TASP1: variants seen among roughly 807,000 people sequenced by gnomAD.
The protein encoded by TASP1 is taspase 1.
TASP1 carries 16 observed loss-of-function variants against 56.6 expected under a neutral mutation model. That is an observed-to-expected ratio of 0.28 (90% CI 0.19 to 0.43). TASP1 has a LOEUF of 0.43. Ranked by LOEUF, TASP1 falls within the 20% of genes least tolerant of loss-of-function variation. TASP1 has a pLI of 1.00. For synonymous variants in TASP1, 179 were observed against 184.2 expected, an observed-to-expected ratio of 0.97 and a Z score of 0.23; for missense variants, 393 against 511.6, an observed-to-expected ratio of 0.77 and a Z score of 2.24.
At chr20:13,176,698 G>A in the TASP1 span, among the ~76,000 whole-genome samples, 1 of 151,810 alleles carries the variant, frequency 6.6e-6, no homozygotes, top group Non-Finnish European at 1.5e-5. Flanking sequence ...TTGATATCAG[G>A]GTTTTATAGA....
chr20:13,279,932 G>A, the TASP1 span: 1 of 1,598,052 alleles, frequency 6.3e-7, no homozygotes, highest in Non-Finnish European at 8.6e-7. Context: ...AAAATTGGTG[G>A]GAAGAATAAA....
the TASP1 span, among the ~76,000 whole-genome samples, chr20:13,123,625 C>A: frequency 1.1e-4 from 17 of 152,154 alleles, no homozygotes; most frequent in Non-Finnish European, 2.5e-4. Flanking sequence ...AGTTCCTCAT[C>A]CCCTTGTCTC....
At chr20:13,104,868 G>A in the TASP1 span, among the ~76,000 whole-genome samples, 658 of 152,096 alleles carry the variant, frequency 4.3e-3, 3 homozygotes, top group Middle Eastern at 6.8e-3. Flanking sequence ...TTTGTTTGGG[G>A]AACTTTTTTT....
intron 10 of TASP1, among the ~76,000 whole-genome samples, chr20:13,488,548 T>C (rs193218248): frequency 6.6e-6 from 1 of 152,322 alleles, no homozygotes; most frequent in East Asian, 1.9e-4. Context: ...TCAGAGATTT[T>C]AACTCCCAGC....
the TASP1 span, among the ~76,000 whole-genome samples, chr20:13,153,572 A>T: frequency 6.6e-6 from 1 of 152,112 alleles, no homozygotes; most frequent in Non-Finnish European, 1.5e-5. Context: ...CAATTTAATG[A>T]GCCAATTCAG....
At chr20:13,110,070 A>T in the TASP1 span, 1 of 1,515,362 alleles carries the variant, frequency 6.6e-7, no homozygotes, top group Non-Finnish European at 9.0e-7. Context: ...GGAAAAGTAA[A>T]CCCTTTCATG....
chr20:13,367,294 G>T, the TASP1 span, among the ~76,000 whole-genome samples: 1 of 152,150 alleles, frequency 6.6e-6, no homozygotes, highest in African/African-American at 2.4e-5. Flanking sequence ...TTAATCAGTT[G>T]GATGATTTAG....
the TASP1 span, among the ~76,000 whole-genome samples, chr20:13,111,231 C>A: frequency 6.6e-6 from 1 of 152,152 alleles, no homozygotes; most frequent in African/African-American, 2.4e-5. Flanking sequence ...TTTCCAGTTT[C>A]TACCAGCTCA....
the TASP1 span, among the ~76,000 whole-genome samples, chr20:13,194,644 G>C: frequency 6.6e-6 from 1 of 151,894 alleles, no homozygotes; most frequent in Non-Finnish European, 1.5e-5. Flanking sequence ...TAAGGTTGGA[G>C]AGTGACTCAT....
intron 10 of TASP1, among the ~76,000 whole-genome samples, chr20:13,526,715 A>C (rs1433123834): frequency 1.3e-5 from 2 of 152,146 alleles, no homozygotes; most frequent in Non-Finnish European, 2.9e-5. Context: ...TAAGATAGGC[A>C]GGCATGAGAA....
chr20:13,430,810 C>T lies in TASP1; in HGVS notation c.1096+4234G>A, dbSNP rs867660403. On this transcript the variant is annotated intron_variant, in intron 12 of 13. Coordinates refer to ENST00000337743, the MANE Select transcript of TASP1 (RefSeq NM_017714.3). ...AAGTTCCTTCATACCTGAGATTCTC[C>T]GATTCTATTCATGAATCAGTAGACA... is the stretch of plus-strand genomic sequence containing the variant. 1.8e-4 allele frequency among the ~76,000 whole-genome samples: 28 copies of T among 152,274 alleles called. No individual in the cohort carries two copies. The Middle Eastern group carries it at 0.02, about 111-fold the overall frequency.
At chr20:13,449,709 T>C (rs1270061016) in intron 11 of TASP1, among the ~76,000 whole-genome samples, 1 of 152,144 alleles carries the variant, frequency 6.6e-6, no homozygotes, top group Non-Finnish European at 1.5e-5. Flanking sequence ...TACAGTTACA[T>C]AATTATAAAT....
the TASP1 span, among the ~76,000 whole-genome samples, chr20:13,144,347 A>G: frequency 6.6e-6 from 1 of 152,248 alleles, no homozygotes; most frequent in Admixed American, 6.5e-5. Flanking sequence ...CACAACAGCC[A>G]CTTACAAATA....
chr20:13,455,387 T>C (rs1005904335), intron 11 of TASP1, among the ~76,000 whole-genome samples: 2 of 152,130 alleles, frequency 1.3e-5, no homozygotes, highest in Non-Finnish European at 2.9e-5. Context: ...TAACTTGTTA[T>C]AACATGTCTG....
At chr20:13,554,900 T>C (rs866775360) in intron 8 of TASP1, among the ~76,000 whole-genome samples, 14 of 152,166 alleles carry the variant, frequency 9.2e-5, no homozygotes, top group Middle Eastern at 3.2e-3. Flanking sequence ...TGCTCATACA[T>C]GAGATGGCTG....
chr20:13,221,183 G>A, the TASP1 span, among the ~76,000 whole-genome samples: 1 of 150,586 alleles, frequency 6.6e-6, no homozygotes, highest in Non-Finnish European at 1.5e-5. Flanking sequence ...GGCGCCAAGC[G>A]TGGAGGTAAC....
chr20:13,592,687 G>A (rs1230446113), intron 4 of TASP1, among the ~76,000 whole-genome samples: 1 of 151,766 alleles, frequency 6.6e-6, no homozygotes, highest in Non-Finnish European at 1.5e-5. Context: ...TTGACTTTCT[G>A]TTTTCTATTT....
At chr20:13,585,730 A>C (rs2047278961) in intron 5 of TASP1, among the ~76,000 whole-genome samples, 1 of 152,236 alleles carries the variant, frequency 6.6e-6, no homozygotes, top group African/African-American at 2.4e-5. Flanking sequence ...GCAAGGATGC[A>C]GAGTAACTGA....
chr20:13,235,534 C>T, the TASP1 span, among the ~76,000 whole-genome samples: 1 of 152,128 alleles, frequency 6.6e-6, no homozygotes, highest in African/African-American at 2.4e-5. Flanking sequence ...CAGAGTCAGG[C>T]CAAGAGAAAG....
Sources: gnomAD v4.1 joint callset for allele counts (sites outside exome capture counted in the v4.1 genomes callset) on GRCh38, gnomAD v4.1.1 for gene constraint, MANE v1.5 for transcripts, NCBI Gene and HGNC (gene_info 2026-07-23, HGNC 2026-07-21) for gene names.